Variants in PMS1 observed in about 807,000 individuals in gnomAD.
PMS1 encodes PMS1 homolog 1, mismatch repair system component.
Under a neutral mutation model 93.1 loss-of-function variants are expected in PMS1, and 79 were observed. That is an observed-to-expected ratio of 0.85 (90% CI 0.71 to 1.02). The LOEUF (loss-of-function observed/expected upper bound fraction) is 1.02, where lower values mean the gene tolerates loss of function less well. Among genes scored for constraint, PMS1 ranks in the 50% least tolerant of loss-of-function variants. The probability of loss-of-function intolerance (pLI) is 0.00; values close to 1 mark genes in which losing one functional copy is unlikely to be tolerated. For synonymous variants in PMS1, 335 were observed against 363.4 expected, an observed-to-expected ratio of 0.92 and a Z score of 0.89; for missense variants, 1,064 against 1,085.3, an observed-to-expected ratio of 0.98 and a Z score of 0.28.
chr2:189,871,563 T>A (rs185800807), intron 11 of PMS1, among the ~76,000 whole-genome samples: 1 of 152,198 alleles, frequency 6.6e-6, no homozygotes, highest in Non-Finnish European at 1.5e-5. Context: ...TCTGCGTATT[T>A]CTATCAGCAT....
At chr2:189,865,154 A>C (rs2056533142) in intron 10 of PMS1, among the ~76,000 whole-genome samples, 2 of 152,048 alleles carry the variant, frequency 1.3e-5, no homozygotes, top group African/African-American at 4.8e-5. Flanking sequence ...AATTCCTTGG[A>C]ATTTTTCCTC....
At chr2:189,851,653 G>A (rs552500001) in intron 6 of PMS1, among the ~76,000 whole-genome samples, 1 of 152,036 alleles carries the variant, frequency 6.6e-6, no homozygotes, top group African/African-American at 2.4e-5. Flanking sequence ...GGAGCCCCAC[G>A]GTTCCTGCTT....
At chr2:189,806,352 A>G in intron 4 of PMS1, 1 of 274,514 alleles carries the variant, frequency 3.6e-6, no homozygotes. Flanking sequence ...ATATACTTTT[A>G]TGTAATATTA....
intron 11 of PMS1, among the ~76,000 whole-genome samples, chr2:189,868,269 T>C (rs1292766639): frequency 1.3e-5 from 2 of 152,240 alleles, no homozygotes; most frequent in Admixed American, 1.3e-4. Flanking sequence ...ATGTAGGATA[T>C]TGGAATTGCC....
At position 189,844,078 on chromosome 2, in the gene PMS1, C is replaced by T. The variant is rs121434628; in HGVS notation, c.697C>T (p.Gln233Ter). The change falls in exon 6 of 13, where the codon CAG becomes TAG. Residue 233 changes from glutamine (Q) to a stop codon, truncating the protein, a stop_gained and splice_region_variant. Coordinates refer to ENST00000441310, the MANE Select transcript of PMS1 (RefSeq NM_000534.5). LOFTEE classifies it high-confidence loss of function. ...ESFQYHSEES[Q>*]IYLSGFLPKC... Reference sequence around the variant, plus strand: ...CTTTCAGTACCACTCTGAAGAATCTCAGGTATACTGCAAAAACATTCTCAG... The same window carrying T: ...CTTTCAGTACCACTCTGAAGAATCTTAGGTATACTGCAAAAACATTCTCAG... 98 of 1,613,492 alleles carry T rather than the reference C, an allele frequency of 6.1e-5. No homozygotes were observed. The highest frequency in any genetic ancestry group is 7.8e-5 in the Non-Finnish European group (92 of 1,179,894).
chr2:189,866,885 TCACCAC>T (rs1021375293), intron 10 of PMS1, among the ~76,000 whole-genome samples: 1 of 152,162 alleles, frequency 6.6e-6, no homozygotes, highest in Non-Finnish European at 1.5e-5. Context: ...ATCATAATCA[TCACCAC>T]CACCACCATC....
At chr2:189,844,916 G>A (rs911117552) in intron 6 of PMS1, among the ~76,000 whole-genome samples, 1 of 151,402 alleles carries the variant, frequency 6.6e-6, no homozygotes, top group African/African-American at 2.4e-5. Context: ...GGAGTGCAGT[G>A]GTGGGATCTC....
At chr2:189,855,976 C>G (rs2055287356) in intron 9 of PMS1, 1 of 379,438 alleles carries the variant, frequency 2.6e-6, no homozygotes, top group Non-Finnish European at 3.9e-6. Context: ...CGTAATCCAT[C>G]ATCTGGAGTT....
In PMS1 at chr2:189,844,059, G is replaced by C. The variant is rs749477891; in HGVS notation, c.678G>C (p.Gln226His). ...TAVMNNMESF[Q>H]YHSEESQIYL... is the part of the protein sequence containing the mutation. ...TTATGAACAATATGGAATCCTTTCA[G>C]TACCACTCTGAAGAATCTCAGGTAT... Residue 226 changes from glutamine to histidine, a missense_variant, in exon 6 of 13, where the codon CAG becomes CAC. Physicochemically the swap from Gln to His is conservative, Grantham distance 24 (BLOSUM62 0). Transcript: ENST00000441310. 2 of 1,613,870 alleles carry C rather than the reference G, an allele frequency of 1.2e-6. No homozygotes were observed. The highest frequency in any genetic ancestry group is 2.2e-5 in the South Asian group (2 of 91,082).
chr2:189,847,326 C>T (rs767237198), intron 6 of PMS1, among the ~76,000 whole-genome samples: 24 of 152,124 alleles, frequency 1.6e-4, no homozygotes, highest in Non-Finnish European at 2.8e-4. Flanking sequence ...ATTATCACTT[C>T]GATAATTTCT....
intron 3 of PMS1, among the ~76,000 whole-genome samples, chr2:189,804,734 G>A (rs1002070163): frequency 4.6e-5 from 7 of 152,068 alleles, no homozygotes; most frequent in African/African-American, 1.4e-4. Flanking sequence ...TTCTTATGGT[G>A]TCTAAATTAT....
intron 5 of PMS1, among the ~76,000 whole-genome samples, chr2:189,818,608 A>G (rs920790823): frequency 6.6e-6 from 1 of 152,222 alleles, no homozygotes; most frequent in Non-Finnish European, 1.5e-5. Flanking sequence ...ACATGTAAAG[A>G]GTCTTTTTTT....
chr2:189,802,167 T>C (rs1239778631), intron 3 of PMS1, among the ~76,000 whole-genome samples: 2 of 152,178 alleles, frequency 1.3e-5, no homozygotes, highest in African/African-American at 4.8e-5. Context: ...ATCAAGCTCA[T>C]TATGCAGTTG....
intron 5 of PMS1, among the ~76,000 whole-genome samples, chr2:189,821,925 C>A (rs1031658870): frequency 6.6e-6 from 1 of 152,122 alleles, no homozygotes; most frequent in African/African-American, 2.4e-5. Flanking sequence ...AAATATGTAT[C>A]TTCTAAGTTT....
At chr2:189,862,345 A>G (rs148991863) in intron 9 of PMS1, among the ~76,000 whole-genome samples, 4,053 of 152,094 alleles carry the variant, frequency 0.027, 69 homozygotes, top group South Asian at 0.068. Context: ...TATAATTTCC[A>G]CTAATCTGTT....
intron 11 of PMS1, among the ~76,000 whole-genome samples, 200 bp from the exon 12 acceptor site, chr2:189,873,296 G>A (rs756544783): frequency 1.3e-5 from 2 of 152,148 alleles, no homozygotes; most frequent in Non-Finnish European, 2.9e-5. Context: ...AAGCACATGT[G>A]GTGTCAGTGA....
At chr2:189,845,634 C>T (rs1390506361) in intron 6 of PMS1, among the ~76,000 whole-genome samples, 1 of 152,274 alleles carries the variant, frequency 6.6e-6, no homozygotes, top group East Asian at 1.9e-4. Context: ...GCCTTCTGCA[C>T]AACTCTCATC....
intron 3 of PMS1, among the ~76,000 whole-genome samples, chr2:189,797,578 T>C (rs186770727): frequency 2.6e-5 from 4 of 152,274 alleles, no homozygotes; most frequent in East Asian, 3.9e-4. Context: ...TCTTGAGTTA[T>C]TGAAATTTGC....
At chr2:189,816,733 C>T (rs1192923013) in intron 4 of PMS1, among the ~76,000 whole-genome samples, 1 of 151,356 alleles carries the variant, frequency 6.6e-6, no homozygotes, top group African/African-American at 2.5e-5. Context: ...TTATACGTTC[C>T]TTATGATTGC....
Sources: allele counts gnomAD v4.1 joint callset (sites outside exome capture counted in the v4.1 genomes callset), GRCh38; gene constraint gnomAD v4.1.1; transcripts MANE v1.5; gene names NCBI Gene and HGNC (gene_info 2026-07-23, HGNC 2026-07-21).